The following KANK1 variants were observed in gnomAD, a reference collection of about 807,000 sequenced individuals.
KANK1 encodes KN motif and ankyrin repeat domain-containing protein 1.
In KANK1, 109 loss-of-function variants were observed where a neutral mutation model predicts 106.2. That is an observed-to-expected ratio of 1.03 (90% CI 0.88 to 1.20). The LOEUF (loss-of-function observed/expected upper bound fraction) is 1.20, where lower values mean the gene tolerates loss of function less well. Among genes scored for constraint, KANK1 ranks in the 50% most tolerant of loss-of-function variants. The pLI, the probability that KANK1 is intolerant of heterozygous loss-of-function variation, is 0.00. For missense variants in KANK1, 2,399 were observed against 1,710.7 expected, an observed-to-expected ratio of 1.40 and a Z score of -7.10; for synonymous variants, 873 against 652.2, an observed-to-expected ratio of 1.34 and a Z score of -5.16.
chr9:745,049 G>A (rs1464430102), intron 11 of KANK1, 124 bp from the exon 12 acceptor site: 5 of 1,521,160 alleles, frequency 3.3e-6, no homozygotes, highest in Non-Finnish European at 4.4e-6. Flanking sequence ...CTCAGCCAGA[G>A]CTCTCCTGGC....
intron 1 of KANK1, among the ~76,000 whole-genome samples, chr9:578,810 A>T (rs976478097): frequency 6.6e-6 from 1 of 152,112 alleles, no homozygotes; most frequent in East Asian, 1.9e-4. Flanking sequence ...CTACATAATC[A>T]TTTTCTCCCA....
chr9:493,554 C>CTTTTTTT (rs34062799), intron 3 of KANK1, among the ~76,000 whole-genome samples: 3 of 115,994 alleles, frequency 2.6e-5, no homozygotes, highest in East Asian at 2.6e-4. Context: ...GGGTAATTTG[C>CTTTTTTT]TTTTTTTTTT....
rs371049811 is a variant in KANK1 at position 555,038 on chromosome 9, T to C, written c.-84+50284T>C. On this transcript the variant is annotated intron_variant, in intron 1 of 11. Transcript: ENST00000382297. ...CTGGGCATCCGTTTGCCCAGTCAAG[T>C]TGGCACGTGAAATTAACCTGCATAC... is the stretch of plus-strand genomic sequence containing the variant. 4.4e-3 allele frequency among the ~76,000 whole-genome samples: 669 copies of C among 152,310 alleles called. 3 individuals are homozygous for C. Among genetic ancestry groups the C allele is most frequent in the Middle Eastern group, 0.01 (3 of 294 alleles).
At chr9:728,507 G>A (rs150095932) in intron 3 of KANK1, among the ~76,000 whole-genome samples, 2,401 of 152,244 alleles carry the variant, frequency 0.016, 58 homozygotes, top group African/African-American at 0.054. Context: ...CCTCTTCGAT[G>A]TATATTGAAA....
chr9:645,525 G>A (rs1207175913), intron 1 of KANK1, among the ~76,000 whole-genome samples: 4 of 146,646 alleles, frequency 2.7e-5, no homozygotes, highest in Non-Finnish European at 6.0e-5. Flanking sequence ...AATCCCTAAT[G>A]TTTAAAAATT....
At chr9:632,063 C>T (rs1447472747) in intron 1 of KANK1, among the ~76,000 whole-genome samples, 1 of 152,176 alleles carries the variant, frequency 6.6e-6, no homozygotes, top group Non-Finnish European at 1.5e-5. Flanking sequence ...AGCATTGTGT[C>T]TAGCCTTTAA....
chr9:744,545 G>A lies in KANK1; in HGVS notation c.3952G>A (p.Val1318Ile), dbSNP rs1278803233. 1 of 1,614,154 alleles carries A rather than the reference G, an allele frequency of 6.2e-7. No homozygotes were observed. ...GGAAGCAGGACACAAGGACATCGCT[G>A]TTCTTCTGTATGCCCATGTCAACTT... ...ALEAGHKDIA[V>I]LLYAHVNFAK... Residue 1318 changes from valine to isoleucine, a missense_variant, in exon 11 of 12, where the codon GTT becomes ATT. Val to Ile is a conservative substitution (Grantham distance 29, BLOSUM62 3). Coordinates refer to ENST00000382297, the MANE Select transcript of KANK1 (RefSeq NM_015158.5).
intron 3 of KANK1, among the ~76,000 whole-genome samples, chr9:497,931 C>T (rs918007216): frequency 6.6e-6 from 1 of 152,146 alleles, no homozygotes; most frequent in African/African-American, 2.4e-5. Context: ...CAGTTCCATC[C>T]GTCCCAAAGG....
chr9:623,533 A>T (rs1435433060), intron 1 of KANK1, among the ~76,000 whole-genome samples: 1 of 151,278 alleles, frequency 6.6e-6, no homozygotes, highest in Non-Finnish European at 1.5e-5. Context: ...GAACCCGAAG[A>T]GGTCGAGACT....
chr9:691,440 T>G (rs1413181787), intron 2 of KANK1, among the ~76,000 whole-genome samples: 1 of 150,588 alleles, frequency 6.6e-6, no homozygotes, highest in Non-Finnish European at 1.5e-5. Context: ...TTATTTTTTT[T>G]AATAGAGACA....
chr9:495,432 T>TA (rs1472908362), intron 3 of KANK1: 3 of 152,196 alleles, frequency 2.0e-5, no homozygotes, highest in Admixed American at 2.0e-4. Flanking sequence ...GCCTCCAACT[T>TA]AGTTTCTTCA....
chr9:717,451 T>G (rs1455166085), intron 3 of KANK1, among the ~76,000 whole-genome samples: 2 of 152,224 alleles, frequency 1.3e-5, no homozygotes, highest in Non-Finnish European at 2.9e-5. Context: ...GTAATAAAAT[T>G]TGAATCATAC....
At chr9:627,493 G>C (rs571309632) in intron 1 of KANK1, among the ~76,000 whole-genome samples, 1 of 152,182 alleles carries the variant, frequency 6.6e-6, no homozygotes, top group East Asian at 1.9e-4. Flanking sequence ...TATTCCTGGG[G>C]ACCTAGAATT....
intron 1 of KANK1, among the ~76,000 whole-genome samples, chr9:579,523 C>CAGATCCAGCT (rs1554634563): frequency 6.6e-6 from 1 of 152,180 alleles, no homozygotes; most frequent in Non-Finnish European, 1.5e-5. Flanking sequence ...ATGCAACACA[C>CAGATCCAGCT]AGATCCAGCT....
At chr9:744,198 GA>G (rs562540937) in intron 10 of KANK1, among the ~76,000 whole-genome samples, 1,950 of 139,456 alleles carry the variant, frequency 0.014, 31 homozygotes, top group African/African-American at 0.04. Context: ...TTAATTAGAA[GA>G]AAAAAAAACT....
chr9:654,674 G>T (rs1354038127), intron 1 of KANK1, among the ~76,000 whole-genome samples: 1 of 152,214 alleles, frequency 6.6e-6, no homozygotes, highest in African/African-American at 2.4e-5. Context: ...ACCCTTCTAA[G>T]ACATAAATAT....
chr9:540,059 T>G (rs2060512045), intron 1 of KANK1, among the ~76,000 whole-genome samples: 1 of 152,228 alleles, frequency 6.6e-6, no homozygotes, highest in African/African-American at 2.4e-5. Context: ...GGCTAAAACT[T>G]CTAGTACTAT....
At chr9:474,407 G>C (rs566246359) in intron 3 of KANK1, among the ~76,000 whole-genome samples, 1 of 152,280 alleles carries the variant, frequency 6.6e-6, no homozygotes, top group South Asian at 2.1e-4. Context: ...AATTGCATAA[G>C]TATGTTTCTC....
At chr9:575,574 G>A (rs1208293483) in intron 1 of KANK1, among the ~76,000 whole-genome samples, 1 of 152,024 alleles carries the variant, frequency 6.6e-6, no homozygotes, top group African/African-American at 2.4e-5. Flanking sequence ...AGGAGACTGA[G>A]GTGGGAGGAT....
Sources: allele counts gnomAD v4.1 joint callset (sites outside exome capture counted in the v4.1 genomes callset), GRCh38; gene constraint gnomAD v4.1.1; transcripts MANE v1.5; gene names NCBI Gene and HGNC (gene_info 2026-07-23, HGNC 2026-07-21).